The following PCDHA1 variants were observed in gnomAD, a reference collection of about 807,000 sequenced individuals.
The protein encoded by PCDHA1 is protocadherin alpha-1.
Under a neutral mutation model 61.3 loss-of-function variants are expected in PCDHA1, and 42 were observed. The observed-to-expected ratio is 0.69, with a 90% CI of 0.54 to 0.89. PCDHA1 has a LOEUF of 0.89. PCDHA1 is among the 40% of genes least tolerant of loss of function. The probability of loss-of-function intolerance (pLI) is 0.00; values close to 1 mark genes in which losing one functional copy is unlikely to be tolerated. For missense variants in PCDHA1, 1,256 were observed against 1,235.3 expected (o/e 1.02, Z -0.25); for synonymous variants, 610 against 553.8 (o/e 1.10, Z -1.43).
chr5:140,995,812 G>A (rs2097699173), intron 3 of PCDHA1, among the ~76,000 whole-genome samples: 1 of 152,202 alleles, frequency 6.6e-6, no homozygotes, highest in Non-Finnish European at 1.5e-5. Flanking sequence ...TTTCTGAAGG[G>A]AGATAGCCTG....
chr5:140,875,521 T>C (rs2055562442), intron 1 of PCDHA1: 2 of 1,614,014 alleles, frequency 1.2e-6, no homozygotes, highest in Non-Finnish European at 1.7e-6. Flanking sequence ...TCTGCTGCTC[T>C]CGCTTCTGCT....
At chr5:140,796,372 C>T (rs782543365) in intron 1 of PCDHA1, 1 of 1,614,036 alleles carries the variant, frequency 6.2e-7, no homozygotes, top group Non-Finnish European at 8.5e-7. Context: ...GAACAACCCG[C>T]CGGGCTGCCA....
chr5:140,980,317 A>G (rs1435571559), intron 2 of PCDHA1, among the ~76,000 whole-genome samples: 1 of 152,194 alleles, frequency 6.6e-6, no homozygotes, highest in Non-Finnish European at 1.5e-5. Context: ...TAAAAACTAC[A>G]TTTGAAATAA....
chr5:140,918,032 A>G (rs528006913), intron 1 of PCDHA1, among the ~76,000 whole-genome samples: 2 of 152,224 alleles, frequency 1.3e-5, no homozygotes, highest in East Asian at 1.9e-4. Context: ...TGAGCGTGGA[A>G]GGTCTTTCCA....
intron 1 of PCDHA1, among the ~76,000 whole-genome samples, chr5:140,917,183 A>T (rs2077937210): frequency 6.6e-6 from 1 of 152,132 alleles, no homozygotes; most frequent in African/African-American, 2.4e-5. Flanking sequence ...GTGATCCCAG[A>T]GTGTCTCTCC....
intron 1 of PCDHA1, chr5:140,824,610 G>GTTTTTTTTTTTTTTTTTTTTTTTTT (rs782443702): frequency 3.2e-5 from 3 of 95,112 alleles, no homozygotes; most frequent in African/African-American, 9.7e-5. Context: ...GCTAATTAAA[G>GTTTTTTTTTTTTTTTTTTTTTTTTT]TTTTTTTTTT....
rs1554117999 is a variant in PCDHA1, at chr5:140,787,827, G to A, written c.1537G>A (p.Glu513Lys). The A allele has an allele frequency of 1.9e-6, 3 of 1,612,580 alleles. No individual in the cohort carries two copies. Among genetic ancestry groups the A allele is most frequent in the Non-Finnish European group, 8.5e-7 (1 of 1,179,810 alleles). Residue 513 changes from glutamate to lysine, a missense_variant, in exon 1 of 4, where the codon GAG becomes AAG. By Grantham distance (56) the Glu-to-Lys change is moderately conservative. Transcript: ENST00000504120. ...GTCGAACTACGTGTCAGTGCACGCG[G>A]AGAGCGGCAAGGTGTACGCACTGCA... The part of the protein sequence containing the change: ...ALSNYVSVHA[E>K]SGKVYALQPL...
At chr5:140,808,873 G>A in intron 1 of PCDHA1, 3 of 1,613,078 alleles carry the variant, frequency 1.9e-6, no homozygotes, top group Non-Finnish European at 2.5e-6. Context: ...ACGACAACGC[G>A]CCAGCACTGC....
At chr5:140,824,067 CA>C in intron 1 of PCDHA1, 1 of 1,614,190 alleles carries the variant, frequency 6.2e-7, no homozygotes, top group Non-Finnish European at 8.5e-7. Context: ...AAGCTCCACC[CA>C]AAACAGACCT....
At chr5:140,906,124 G>A (rs1399975318) in intron 1 of PCDHA1, among the ~76,000 whole-genome samples, 2 of 151,992 alleles carry the variant, frequency 1.3e-5, no homozygotes, top group Non-Finnish European at 2.9e-5. Flanking sequence ...TGACACAAAT[G>A]TTAGTCTCCT....
intron 1 of PCDHA1, chr5:140,875,494 G>A (rs1178647780): frequency 6.2e-7 from 1 of 1,613,020 alleles, no homozygotes; most frequent in Non-Finnish European, 8.5e-7. Context: ...CGGACCAAGA[G>A]GCCCGGGATC....
rs370831122 is a variant in PCDHA1, at chr5:140,966,962, G to C, written c.2395-11987G>C. On this transcript the variant is annotated intron_variant, in intron 1 of 3. Transcript: ENST00000504120. ...CGTGGGCAACGTGGCTCGCGCGCTG[G>C]GGCTTGAGCTGCGGCGCTTGGGGCC... The C allele has an allele frequency of 1.3e-5, 21 of 1,602,632 alleles. No individual in the cohort carries two copies. Among genetic ancestry groups the C allele is most frequent in the Admixed American group, 3.3e-5 (2 of 59,750 alleles).
chr5:140,831,520 CTTTTTTT>C (rs35178185), intron 1 of PCDHA1, among the ~76,000 whole-genome samples: 8 of 122,400 alleles, frequency 6.5e-5, no homozygotes, highest in African/African-American at 9.5e-5. Context: ...TGCCCCCCAC[CTTTTTTT>C]TTTTTTTTTT....
chr5:141,009,501 C>T (rs2098410009), intron 3 of PCDHA1, 126 bp from the exon 4 acceptor site: 4 of 1,492,480 alleles, frequency 2.7e-6, no homozygotes, highest in Non-Finnish European at 3.6e-6. Context: ...CAGACTTGAA[C>T]AAACAACTCG....
At chr5:140,951,247 A>G (rs185452142) in intron 1 of PCDHA1, among the ~76,000 whole-genome samples, 1 of 152,230 alleles carries the variant, frequency 6.6e-6, no homozygotes, top group Non-Finnish European at 1.5e-5. Context: ...TTAGGAATGC[A>G]TCACATTTTT....
intron 1 of PCDHA1, chr5:140,877,311 G>T: frequency 6.2e-7 from 1 of 1,613,970 alleles, no homozygotes. Flanking sequence ...AGTTGCAACC[G>T]GCGGCGGTCG....
intron 1 of PCDHA1, among the ~76,000 whole-genome samples, chr5:140,955,431 AG>A (rs1273972601): frequency 1.3e-5 from 2 of 152,194 alleles, no homozygotes; most frequent in East Asian, 3.9e-4. Flanking sequence ...AGTTCTCATT[AG>A]GTCTGATGGT....
intron 1 of PCDHA1, chr5:140,851,667 T>C (rs628871): frequency 0.26 from 235,964 of 911,074 alleles, 43,172 homozygotes; most frequent in South Asian, 0.31. Context: ...TCCTTTTAAT[T>C]GAAATTTTCT....
intron 1 of PCDHA1, among the ~76,000 whole-genome samples, chr5:140,845,707 A>G (rs2150380649): frequency 6.7e-6 from 1 of 149,734 alleles, no homozygotes; most frequent in African/African-American, 2.4e-5. Context: ...TTGGCATTAT[A>G]TGTATGCATG....
Sources: allele counts gnomAD v4.1 joint callset (sites outside exome capture counted in the v4.1 genomes callset), GRCh38; gene constraint gnomAD v4.1.1; transcripts MANE v1.5; gene names NCBI Gene and HGNC (gene_info 2026-07-23, HGNC 2026-07-21).